The following DPP10 variants were observed in gnomAD, a reference collection of about 807,000 sequenced individuals.
The protein encoded by DPP10 is dipeptidyl peptidase like 10.
DPP10 carries 33 observed loss-of-function variants against 120.9 expected under a neutral mutation model. The ratio of observed to expected loss-of-function variants is 0.27; its 90% confidence interval spans 0.21 to 0.37. The LOEUF (loss-of-function observed/expected upper bound fraction) is 0.37, where lower values mean the gene tolerates loss of function less well. DPP10 is among the 10% of genes least tolerant of loss of function. DPP10 has a pLI of 1.00. For missense variants in DPP10, 816 were observed against 942.8 expected, an observed-to-expected ratio of 0.87 and a Z score of 1.76; for synonymous variants, 337 against 326.1, an observed-to-expected ratio of 1.03 and a Z score of -0.36.
chr2:115,514,033 A>G (rs369141321), intron 4 of DPP10, among the ~76,000 whole-genome samples: 1 of 151,980 alleles, frequency 6.6e-6, no homozygotes, highest in South Asian at 2.1e-4. Context: ...AGCTCGATAT[A>G]GAATTCTTTG....
intron 5 of DPP10, among the ~76,000 whole-genome samples, chr2:115,629,510 A>C (rs187530798): frequency 3.3e-5 from 5 of 152,268 alleles, no homozygotes; most frequent in African/African-American, 1.2e-4. Flanking sequence ...TTGCCATTCT[A>C]ACTGGTGTGA....
At chr2:114,475,694 A>G (rs1257302182) in intron 1 of DPP10, among the ~76,000 whole-genome samples, 1 of 152,216 alleles carries the variant, frequency 6.6e-6, no homozygotes, top group African/African-American at 2.4e-5. Flanking sequence ...ATCTATTTAA[A>G]GAATCACAGT....
intron 1 of DPP10, among the ~76,000 whole-genome samples, chr2:114,691,450 T>C (rs906365125): frequency 6.6e-6 from 1 of 152,130 alleles, no homozygotes; most frequent in East Asian, 1.9e-4. Flanking sequence ...TTTGATGTGC[T>C]GCTGGATTTG....
At chr2:115,688,019 TGAGAGAGAGAGAAAAAGA>T (rs2091099109) in intron 5 of DPP10, among the ~76,000 whole-genome samples, 1 of 139,952 alleles carries the variant, frequency 7.1e-6, no homozygotes, top group African/African-American at 2.7e-5. Context: ...CAGAGCTTTC[TGAGAGAGAGAGAAAAAGA>T]GAGAGAGAGA....
At chr2:115,432,962 A>G (rs1439189017) in intron 3 of DPP10, among the ~76,000 whole-genome samples, 1 of 152,016 alleles carries the variant, frequency 6.6e-6, no homozygotes, top group Non-Finnish European at 1.5e-5. Flanking sequence ...CCTTCATGAT[A>G]TAGTGATCCA....
chr2:115,294,998 A>G (rs900592237), intron 1 of DPP10, among the ~76,000 whole-genome samples: 5 of 152,110 alleles, frequency 3.3e-5, no homozygotes, highest in African/African-American at 1.2e-4. Context: ...AACAAAGGAA[A>G]ACTCTTAATT....
intron 1 of DPP10, among the ~76,000 whole-genome samples, chr2:115,191,341 A>G (rs1458870238): frequency 2.0e-5 from 3 of 152,232 alleles, no homozygotes; most frequent in Admixed American, 6.5e-5. Flanking sequence ...TTCGTCAAAC[A>G]CTTCTCAAAC....
At chr2:115,191,327 A>G (rs1226768124) in intron 1 of DPP10, among the ~76,000 whole-genome samples, 1 of 152,192 alleles carries the variant, frequency 6.6e-6, no homozygotes, top group East Asian at 1.9e-4. Context: ...TTTACACTGG[A>G]ATTTTCGTCA....
intron 7 of DPP10, among the ~76,000 whole-genome samples, chr2:115,718,045 G>A (rs2092548284): frequency 6.6e-6 from 1 of 152,084 alleles, no homozygotes; most frequent in Non-Finnish European, 1.5e-5. Flanking sequence ...TAGAGAAAAT[G>A]GGTGCGTGGT....
At chr2:115,390,962 C>G (rs2067276580) in intron 3 of DPP10, among the ~76,000 whole-genome samples, 1 of 152,116 alleles carries the variant, frequency 6.6e-6, no homozygotes, top group Non-Finnish European at 1.5e-5. Flanking sequence ...GAATATTGCA[C>G]TTTTTCATTA....
chr2:114,639,862 A>G (rs1695578721), intron 1 of DPP10, among the ~76,000 whole-genome samples: 1 of 151,842 alleles, frequency 6.6e-6, no homozygotes, highest in Admixed American at 6.6e-5. Context: ...TGGGGGATAA[A>G]TGAAATTTCA....
intron 5 of DPP10, among the ~76,000 whole-genome samples, chr2:115,632,480 G>A (rs977268724): frequency 1.3e-5 from 2 of 152,062 alleles, no homozygotes; most frequent in East Asian, 1.9e-4. Context: ...GGCTGTTAAC[G>A]ATTTTTCCCT....
At chr2:115,564,857 T>G (rs531260758) in intron 5 of DPP10, among the ~76,000 whole-genome samples, 2 of 152,322 alleles carry the variant, frequency 1.3e-5, no homozygotes, top group African/African-American at 2.4e-5. Context: ...ATCAATAGTA[T>G]TAGTCAGTTG....
chr2:115,198,523 C>G (rs1465157645), intron 1 of DPP10, among the ~76,000 whole-genome samples: 1 of 152,172 alleles, frequency 6.6e-6, no homozygotes, highest in Non-Finnish European at 1.5e-5. Flanking sequence ...TTTGCCTTTG[C>G]TGTTTCACTG....
chr2:114,838,117 G>A (rs971790302), intron 1 of DPP10, among the ~76,000 whole-genome samples: 1 of 152,134 alleles, frequency 6.6e-6, no homozygotes, highest in Non-Finnish European at 1.5e-5. Flanking sequence ...AGGACCATGT[G>A]AATAAAGGGC....
intron 1 of DPP10, among the ~76,000 whole-genome samples, chr2:114,537,046 A>G (rs1378403243): frequency 2.6e-5 from 4 of 152,240 alleles, no homozygotes. Flanking sequence ...GGGAGATTTC[A>G]TAGTGCTCAT....
At chr2:115,456,862 T>C (rs2073590312) in intron 3 of DPP10, among the ~76,000 whole-genome samples, 1 of 152,020 alleles carries the variant, frequency 6.6e-6, no homozygotes, top group Non-Finnish European at 1.5e-5. Flanking sequence ...GAGTAATACC[T>C]AATGTAAATG....
At chr2:114,782,762 C>T (rs1682443225) in intron 1 of DPP10, among the ~76,000 whole-genome samples, 1 of 152,076 alleles carries the variant, frequency 6.6e-6, no homozygotes, top group South Asian at 2.1e-4. Flanking sequence ...ATTAGCATAT[C>T]ACAGCTTTTC....
intron 1 of DPP10, among the ~76,000 whole-genome samples, chr2:114,507,595 A>T (rs1683788650): frequency 6.6e-6 from 1 of 152,148 alleles, no homozygotes; most frequent in Admixed American, 6.6e-5. Context: ...AAAAAACCAT[A>T]TGATGATTAT....
Sources: allele counts gnomAD v4.1 joint callset (sites outside exome capture counted in the v4.1 genomes callset), GRCh38; gene constraint gnomAD v4.1.1; transcripts MANE v1.5; gene names NCBI Gene and HGNC (gene_info 2026-07-23, HGNC 2026-07-21).